ZCCHC7: variants seen among roughly 807,000 people sequenced by gnomAD.
ZCCHC7 encodes zinc finger CCHC domain-containing protein 7.
A neutral mutation model predicts 52.0 loss-of-function variants in ZCCHC7; 35 were observed. The observed-to-expected ratio is 0.67, with a 90% CI of 0.51 to 0.89. The LOEUF (loss-of-function observed/expected upper bound fraction) is 0.89, where lower values mean the gene tolerates loss of function less well. ZCCHC7 is among the 40% of genes least tolerant of loss of function. The pLI, the probability that ZCCHC7 is intolerant of heterozygous loss-of-function variation, is 0.00. For missense variants in ZCCHC7, 574 were observed against 649.1 expected (o/e 0.88, Z 1.26); for synonymous variants, 217 against 221.5 (o/e 0.98, Z 0.18).
intron 6 of ZCCHC7, among the ~76,000 whole-genome samples, chr9:37,334,916 G>A (rs1830586244): frequency 6.6e-6 from 1 of 152,038 alleles, no homozygotes; most frequent in Non-Finnish European, 1.5e-5. Flanking sequence ...TTTAAAGTGA[G>A]TGTTTAGAAA....
intron 2 of ZCCHC7, among the ~76,000 whole-genome samples, chr9:37,293,864 C>G (rs1028473701): frequency 6.6e-6 from 1 of 152,126 alleles, no homozygotes; most frequent in Non-Finnish European, 1.5e-5. Flanking sequence ...ATATGACCCT[C>G]TGCTAAGCAC....
chr9:37,150,245 C>T (rs1198260890), intron 2 of ZCCHC7, among the ~76,000 whole-genome samples: 2 of 152,170 alleles, frequency 1.3e-5, no homozygotes, highest in Non-Finnish European at 2.9e-5. Flanking sequence ...TTTACTTTCT[C>T]ATTGATCTTC....
In ZCCHC7 at chr9:37,354,937, G is replaced by T. The variant is rs540582434; in HGVS notation, c.1198+113G>T. 1.9e-4 allele frequency: 119 copies of T among 629,982 alleles called. No individual in the cohort carries two copies. Among genetic ancestry groups the T allele is most frequent in the Non-Finnish European group, 2.9e-4 (109 of 377,774 alleles). The allele number at this position is 629,982 out of a possible 1,614,324, so 39.0% of individuals were successfully genotyped here. ...TTGGTTAGCATAGAAAGTATTTTTA[G>T]TAATTACCAAAGAGACTGGAACTTT... is the stretch of plus-strand genomic sequence containing the variant. On this transcript the variant is annotated intron_variant, in intron 8 of 8. Coordinates refer to ENST00000336755, the MANE Select transcript of ZCCHC7 (RefSeq NM_032226.3). The surrounding 1 kb of genome is among the most constrained non-coding windows in gnomAD (Gnocchi z 4.0).
chr9:37,302,096 C>A, intron 2 of ZCCHC7, 92 bp from the exon 3 acceptor site: 1 of 1,027,292 alleles, frequency 9.7e-7, no homozygotes, highest in Non-Finnish European at 1.5e-6. Context: ...CTTTGGGGTC[C>A]AATTTGAGTA....
intron 2 of ZCCHC7, among the ~76,000 whole-genome samples, chr9:37,184,234 G>A (rs1488067929): frequency 6.6e-6 from 1 of 152,154 alleles, no homozygotes; most frequent in East Asian, 1.9e-4. Context: ...CGTAATATGT[G>A]TATGTTGTTA....
At chr9:37,324,518 T>C (rs2118083576) in intron 5 of ZCCHC7, among the ~76,000 whole-genome samples, 1 of 152,338 alleles carries the variant, frequency 6.6e-6, no homozygotes. Context: ...GGTCATGGCC[T>C]TCACTGTCTG....
chr9:37,282,639 C>G (rs1828019805), intron 2 of ZCCHC7, among the ~76,000 whole-genome samples: 1 of 145,468 alleles, frequency 6.9e-6, no homozygotes, highest in South Asian at 2.2e-4. Context: ...TTAAACAAGA[C>G]AGGAGGATCA....
intron 2 of ZCCHC7, among the ~76,000 whole-genome samples, chr9:37,276,079 G>T (rs954104206): frequency 6.6e-6 from 1 of 152,192 alleles, no homozygotes; most frequent in Non-Finnish European, 1.5e-5. Flanking sequence ...TTGGTAGGGG[G>T]ATAGTAGTAT....
intron 2 of ZCCHC7, among the ~76,000 whole-genome samples, chr9:37,215,181 T>A (rs1824440457): frequency 6.6e-6 from 1 of 152,162 alleles, no homozygotes; most frequent in Non-Finnish European, 1.5e-5. Context: ...GGGATTATTC[T>A]GTTTTTCAAT....
At chr9:37,349,168 C>T (rs540789230) in intron 6 of ZCCHC7, among the ~76,000 whole-genome samples, 189 bp from the exon 7 acceptor site, 8 of 152,310 alleles carry the variant, frequency 5.3e-5, no homozygotes, top group Non-Finnish European at 8.8e-5. Flanking sequence ...CACACATTGA[C>T]ATTAAGAGTA....
chr9:37,168,341 A>G (rs1821541749), intron 2 of ZCCHC7, among the ~76,000 whole-genome samples: 1 of 152,000 alleles, frequency 6.6e-6, no homozygotes, highest in Non-Finnish European at 1.5e-5. Flanking sequence ...TCTGAGTTGG[A>G]AGTGGAAGTC....
chr9:37,181,710 C>G (rs1822363948), intron 2 of ZCCHC7, among the ~76,000 whole-genome samples: 1 of 152,088 alleles, frequency 6.6e-6, no homozygotes. Flanking sequence ...CAGGAAGGAG[C>G]TGGGAGAATG....
At chr9:37,332,651 G>C (rs1321353302) in intron 6 of ZCCHC7, among the ~76,000 whole-genome samples, 1 of 150,962 alleles carries the variant, frequency 6.6e-6, no homozygotes, top group Non-Finnish European at 1.5e-5. Context: ...TCACTGGCAT[G>C]TGGAACCACA....
chr9:37,316,450 T>C (rs116478001), intron 5 of ZCCHC7, among the ~76,000 whole-genome samples: 7,598 of 139,008 alleles, frequency 0.055, 623 homozygotes, highest in African/African-American at 0.19. Flanking sequence ...CAACTCTTCA[T>C]AGTACCTGGG....
chr9:37,148,711 G>C (rs1252441480), intron 2 of ZCCHC7, among the ~76,000 whole-genome samples: 3 of 152,214 alleles, frequency 2.0e-5, no homozygotes, highest in Middle Eastern at 3.4e-3. Flanking sequence ...ATGTTCAAGA[G>C]AACTTTTTTT....
intron 1 of ZCCHC7, among the ~76,000 whole-genome samples, chr9:37,122,582 C>G (rs1842360674): frequency 6.6e-6 from 1 of 152,138 alleles, no homozygotes; most frequent in Non-Finnish European, 1.5e-5. Context: ...AGAACCAATG[C>G]AAATATTGCA....
At chr9:37,297,638 A>T (rs1828848744) in intron 2 of ZCCHC7, among the ~76,000 whole-genome samples, 1 of 152,248 alleles carries the variant, frequency 6.6e-6, no homozygotes, top group Admixed American at 6.5e-5. Context: ...AAGGAGCTAT[A>T]TGGAAATTAG....
chr9:37,282,132 T>C (rs1262374609), intron 2 of ZCCHC7, among the ~76,000 whole-genome samples: 1 of 152,174 alleles, frequency 6.6e-6, no homozygotes, highest in Non-Finnish European at 1.5e-5. Flanking sequence ...GTACCCTCCA[T>C]GTTTTCTATC....
chr9:37,124,562 G>A (rs1167429186), intron 1 of ZCCHC7, among the ~76,000 whole-genome samples: 6 of 152,014 alleles, frequency 3.9e-5, no homozygotes, highest in Admixed American at 6.6e-5. Flanking sequence ...TGTGATCTGC[G>A]TTTCTTGGAA....
Sources: gnomAD v4.1 joint callset for allele counts (sites outside exome capture counted in the v4.1 genomes callset) on GRCh38, gnomAD v4.1.1 for gene constraint, Gnocchi (gnomAD v3.1) non-coding constraint, MANE v1.5 for transcripts, NCBI Gene and HGNC (gene_info 2026-07-23, HGNC 2026-07-21) for gene names.